SLC24A2: variants seen among roughly 807,000 people sequenced by gnomAD.
SLC24A2 encodes the protein sodium/potassium/calcium exchanger 2.
In SLC24A2, 36 loss-of-function variants were observed where a neutral mutation model predicts 62.0. That is an observed-to-expected ratio of 0.58 (90% CI 0.44 to 0.77). SLC24A2 has a LOEUF of 0.77. Ranked by LOEUF, SLC24A2 falls within the 30% of genes least tolerant of loss-of-function variation. The pLI is 0.00. For missense variants in SLC24A2, 846 were observed against 817.9 expected (o/e 1.03, Z -0.42); for synonymous variants, 358 against 294.0 (o/e 1.22, Z -2.23).
intron 2 of SLC24A2, among the ~76,000 whole-genome samples, chr9:19,656,652 G>C (rs1413282518): frequency 6.6e-6 from 1 of 152,152 alleles, no homozygotes; most frequent in Non-Finnish European, 1.5e-5. Flanking sequence ...GACTCATGCT[G>C]CTTCTGTGTT....
chr9:19,534,218 G>C (rs993864955), intron 8 of SLC24A2, among the ~76,000 whole-genome samples: 1 of 152,218 alleles, frequency 6.6e-6, no homozygotes, highest in African/African-American at 2.4e-5. Flanking sequence ...TCTGGAGTCA[G>C]GGGACTTGGG....
chr9:20,030,448 G>GCACCA, the SLC24A2 span, among the ~76,000 whole-genome samples: 187 of 152,254 alleles, frequency 1.2e-3, 1 homozygote, highest in Non-Finnish European at 8.5e-4. Flanking sequence ...AAGTGCAATT[G>GCACCA]CACCACACAG....
chr9:19,845,090 T>C, the SLC24A2 span, among the ~76,000 whole-genome samples: 1 of 152,128 alleles, frequency 6.6e-6, no homozygotes. Flanking sequence ...ATTGAATCTG[T>C]AGATTGCTTT....
the SLC24A2 span, among the ~76,000 whole-genome samples, chr9:20,265,272 G>T: frequency 2.1e-4 from 32 of 152,286 alleles, no homozygotes; most frequent in South Asian, 5.8e-3. Flanking sequence ...GGTATCCATG[G>T]GCCTGGGTTG....
At chr9:20,185,589 C>T in the SLC24A2 span, among the ~76,000 whole-genome samples, 3 of 148,788 alleles carry the variant, frequency 2.0e-5, no homozygotes, top group Admixed American at 6.8e-5. Context: ...GGCGTGAACC[C>T]GGGAAGCAGA....
chr9:19,562,710 C>T (rs1190647841), intron 7 of SLC24A2, among the ~76,000 whole-genome samples: 2 of 152,146 alleles, frequency 1.3e-5, no homozygotes, highest in Admixed American at 1.3e-4. Context: ...AAAAAAATCC[C>T]TAATTTTTGC....
chr9:20,245,109 T>C, the SLC24A2 span, among the ~76,000 whole-genome samples: 1 of 152,156 alleles, frequency 6.6e-6, no homozygotes, highest in Non-Finnish European at 1.5e-5. Context: ...ATGCATTAGG[T>C]AGGCCCTAGT....
chr9:19,683,496 AT>A (rs1819783579), intron 2 of SLC24A2, among the ~76,000 whole-genome samples: 1 of 150,592 alleles, frequency 6.6e-6, no homozygotes, highest in Non-Finnish European at 1.5e-5. Context: ...GGTGATCTTC[AT>A]TTCACATTCA....
chr9:19,755,181 C>T (rs1822102754), intron 2 of SLC24A2, among the ~76,000 whole-genome samples: 1 of 152,140 alleles, frequency 6.6e-6, no homozygotes, highest in Non-Finnish European at 1.5e-5. Flanking sequence ...CCAGTTTTTA[C>T]ATGATGGGGA....
At chr9:20,069,804 A>T in the SLC24A2 span, among the ~76,000 whole-genome samples, 6 of 152,176 alleles carry the variant, frequency 3.9e-5, no homozygotes, top group African/African-American at 1.4e-4. Context: ...TTATGTAACC[A>T]AAGTTTTCTT....
intron 2 of SLC24A2, among the ~76,000 whole-genome samples, chr9:19,732,179 C>T (rs1821359768): frequency 6.6e-6 from 1 of 152,168 alleles, no homozygotes; most frequent in Non-Finnish European, 1.5e-5. Context: ...AAATATTTGT[C>T]CAGCTATGGT....
At chr9:20,287,067 T>C in the SLC24A2 span, among the ~76,000 whole-genome samples, 1 of 152,220 alleles carries the variant, frequency 6.6e-6, no homozygotes, top group Non-Finnish European at 1.5e-5. Flanking sequence ...GCTTCCTAAA[T>C]AAACATGCCA....
At chr9:20,093,474 G>A in the SLC24A2 span, among the ~76,000 whole-genome samples, 1 of 151,780 alleles carries the variant, frequency 6.6e-6, no homozygotes, top group Non-Finnish European at 1.5e-5. Context: ...ATGAGTTTGA[G>A]GTTTTGATTC....
At chr9:19,813,091 C>G in the SLC24A2 span, among the ~76,000 whole-genome samples, 1 of 152,134 alleles carries the variant, frequency 6.6e-6, no homozygotes, top group Admixed American at 6.6e-5. Context: ...AGGCTTAGTT[C>G]TCTGCCCCTG....
intron 2 of SLC24A2, among the ~76,000 whole-genome samples, chr9:19,770,609 C>G (rs1165763237): frequency 6.6e-6 from 1 of 152,138 alleles, no homozygotes; most frequent in Non-Finnish European, 1.5e-5. Flanking sequence ...GTCATCTGCT[C>G]CCACTTCCTG....
the SLC24A2 span, among the ~76,000 whole-genome samples, chr9:20,043,314 T>C: frequency 6.6e-6 from 1 of 152,224 alleles, no homozygotes; most frequent in Non-Finnish European, 1.5e-5. Context: ...GAATGTTGTT[T>C]TCTTGCCTGC....
chr9:20,139,677 C>G, the SLC24A2 span, among the ~76,000 whole-genome samples: 1 of 152,202 alleles, frequency 6.6e-6, no homozygotes, highest in Non-Finnish European at 1.5e-5. Flanking sequence ...AGACCCAAGA[C>G]TCACTTTTAT....
the SLC24A2 span, among the ~76,000 whole-genome samples, chr9:20,112,204 A>G: frequency 6.6e-6 from 1 of 152,182 alleles, no homozygotes; most frequent in African/African-American, 2.4e-5. Context: ...AATTGTAAAC[A>G]AGATCTCTCT....
the SLC24A2 span, among the ~76,000 whole-genome samples, chr9:19,984,622 CTG>C: frequency 1.3e-5 from 2 of 152,180 alleles, no homozygotes; most frequent in African/African-American, 4.8e-5. Context: ...AGGAGAATCT[CTG>C]GAACCCAGGA....
Sources: gnomAD v4.1 joint callset for allele counts (sites outside exome capture counted in the v4.1 genomes callset) on GRCh38, gnomAD v4.1.1 for gene constraint, MANE v1.5 for transcripts, NCBI Gene and HGNC (gene_info 2026-07-23, HGNC 2026-07-21) for gene names.